The following CD81 variants were observed in gnomAD, a reference collection of about 807,000 sequenced individuals.
CD81 encodes the protein CD81 antigen.
CD81 carries 10 observed loss-of-function variants against 30.1 expected under a neutral mutation model. The ratio of observed to expected loss-of-function variants is 0.33; its 90% CI spans 0.21 to 0.56. The LOEUF is 0.56. Ranked by LOEUF, CD81 falls within the 20% of genes least tolerant of loss-of-function variation. The pLI, the probability that CD81 is intolerant of heterozygous loss-of-function variation, is 0.89. For synonymous variants in CD81, 147 were observed against 126.4 expected, an observed-to-expected ratio of 1.16 and a Z score of -1.10; for missense variants, 263 against 308.7, an observed-to-expected ratio of 0.85 and a Z score of 1.11.
intron 1 of CD81, chr11:2,386,175 T>C: frequency 1.4e-6 from 1 of 717,408 alleles, no homozygotes; most frequent in Non-Finnish European, 2.6e-6. Context: ...TCTCTTCATG[T>C]GCTTTTTTGC....
intron 6 of CD81, 51 bp from the exon 7 acceptor site, chr11:2,396,577 C>T: frequency 6.9e-7 from 1 of 1,456,908 alleles, no homozygotes. Context: ...CAACGGGAAG[C>T]CGGGAGCCGA....
At chr11:2,391,819 G>A (rs889193326) in intron 2 of CD81, 2 of 152,244 alleles carry the variant, frequency 1.3e-5, no homozygotes, top group South Asian at 2.1e-4. Context: ...AGAAGCACTC[G>A]GCTTAGCTTT....
chr11:2,377,495 G>C lies in CD81; in HGVS notation c.-55G>C, dbSNP rs1204303343. 10 of 840,364 alleles carry C rather than the reference G, an allele frequency of 1.2e-5. No individual in the cohort carries two copies. In the African/African-American group the frequency reaches 1.9e-4, roughly 16 times the overall value. 52.1% of individuals were successfully genotyped at this position (840,364 alleles called of 1,614,324 possible). On this transcript the variant is annotated 5_prime_UTR_variant, in exon 1 of 8. Coordinates refer to ENST00000263645, the MANE Select transcript of CD81 (RefSeq NM_004356.4). The surrounding 1 kb of genome is among the most constrained non-coding windows in gnomAD (Gnocchi z 7.7). Reference sequence around the variant, plus strand: ...CACCCGCCAGGCCCCGCGCCGGCCCGCCCGCCGCCCAGGACCGGCCCGCGC... The same window carrying C: ...CACCCGCCAGGCCCCGCGCCGGCCCCCCCGCCGCCCAGGACCGGCCCGCGC...
chr11:2,397,063 C>T lies in CD81; in HGVS notation c.*197C>T, dbSNP rs986556099. ...CAGGGCTGACGTCACATGTAGGTGG[C>T]GTGTATGAGTGGAGACGGGCCTGGG... On this transcript the variant is annotated 3_prime_UTR_variant, in exon 8 of 8. Coordinates refer to ENST00000263645, the MANE Select transcript of CD81 (RefSeq NM_004356.4). The T allele has an allele frequency of 2.1e-5, 13 of 633,368 alleles. No individual in the cohort carries two copies. Among genetic ancestry groups the T allele is most frequent in the Non-Finnish European group, 2.8e-5 (10 of 353,086 alleles). The allele number at this position is 633,368 out of a possible 1,614,324, so 39.2% of individuals were successfully genotyped here. A position where few individuals can be genotyped will look rare whatever the true frequency, so the allele number is the denominator to read the frequency against.
chr11:2,383,124 A>G (rs957489468), intron 1 of CD81, among the ~76,000 whole-genome samples: 1 of 152,166 alleles, frequency 6.6e-6, no homozygotes, highest in African/African-American at 2.4e-5. Flanking sequence ...CCTGACACCT[A>G]TTTTTAGATG....
chr11:2,386,034 A>G (rs1190067928), intron 1 of CD81: 1 of 717,074 alleles, frequency 1.4e-6, no homozygotes, highest in East Asian at 2.7e-5. Flanking sequence ...CCCCCGTTGT[A>G]TGCGTCCCAG....
rs573434748 is a variant in CD81 at position 2,383,860 on chromosome 11, G to A, written c.66+6245G>A. ...GGTGGGGGTAAGGTATGGGTGGGGC[G>A]ACCAGATCCCTGCCCTTTCCTGCAG... On this transcript the variant is annotated intron_variant, in intron 1 of 7. Transcript: ENST00000263645. Among the ~76,000 whole-genome samples the A allele has an allele frequency of 1.5e-4, 23 of 152,302 alleles. No homozygotes were observed. In the East Asian group the frequency reaches 4.1e-3, roughly 27 times the overall value.
Position 2,395,028 on chromosome 11 carries a change from C to T in CD81, c.336C>T (p.Gly112=). Residue 112 remains glycine, a synonymous_variant, in exon 4 of 8, where the codon GGC becomes GGT. Transcript: ENST00000263645. ...GTGAGGTGGCCGCCGGCATCTGGGG[C>T]TTTGTCAACAAGGACCAGGTGAGCC... ...FACEVAAGIW[G]FVNKDQIAKD... is the part of the protein sequence containing the mutation. The T allele has an allele frequency of 6.2e-7, 1 of 1,611,852 alleles. No individual in the cohort carries two copies.
chr11:2,380,652 G>C (rs1160831519), intron 1 of CD81, among the ~76,000 whole-genome samples: 1 of 152,162 alleles, frequency 6.6e-6, no homozygotes, highest in Non-Finnish European at 1.5e-5. Flanking sequence ...GTGGGTCTCG[G>C]AGCCTCCATC....
intron 5 of CD81, 132 bp downstream of exon 5, chr11:2,395,652 G>A: frequency 2.5e-6 from 2 of 789,212 alleles, no homozygotes; most frequent in Non-Finnish European, 4.3e-6. Flanking sequence ...CAGGACCCCT[G>A]GTCTCAACTG....
In CD81 at chr11:2,377,528, G is replaced by T; in HGVS notation, c.-22G>T. The T allele has an allele frequency of 7.5e-7, 1 of 1,326,954 alleles. No individual in the cohort carries two copies. The allele number at this position is 1,326,954 out of a possible 1,614,324, so 82.2% of individuals were successfully genotyped here. ...CCCAGGACCGGCCCGCGCCCCGCAG[G>T]CCGCCCGCCGCCCGCGCCGCCATGG... is the stretch of plus-strand genomic sequence containing the variant. On this transcript the variant is annotated 5_prime_UTR_variant, in exon 1 of 8. Coordinates refer to ENST00000263645, the MANE Select transcript of CD81 (RefSeq NM_004356.4). The surrounding 1 kb of genome is among the most constrained non-coding windows in gnomAD (Gnocchi z 7.7).
In CD81 at chr11:2,390,435, T is replaced by G. The variant is rs779338797; in HGVS notation, c.90T>G (p.Gly30=). The G allele has an allele frequency of 6.2e-7, 1 of 1,612,806 alleles. No individual in the cohort carries two copies. Residue 30 remains glycine, a synonymous_variant, in exon 2 of 8, where the codon GGT becomes GGG. Transcript: ENST00000263645. ...AGCTGGCTGGAGGCGTGATCCTGGG[T>G]GTGGCCCTGTGGCTCCGCCATGACC... ...VFWLAGGVIL[G]VALWLRHDPQ...
chr11:2,390,651 C>A, intron 2 of CD81, 125 bp downstream of exon 2: 1 of 749,936 alleles, frequency 1.3e-6, no homozygotes, highest in East Asian at 2.7e-5. Context: ...GGCAGGGAGG[C>A]GGCCCTGGAA....
intron 3 of CD81, among the ~76,000 whole-genome samples, 170 bp downstream of exon 3, chr11:2,394,362 T>C (rs1484390689): frequency 1.3e-5 from 2 of 152,204 alleles, no homozygotes; most frequent in African/African-American, 4.8e-5. Context: ...CCACCGTGCT[T>C]GGTCTCCATC....
At chr11:2,390,250 G>A (rs1483954059) in intron 1 of CD81, 162 bp from the exon 2 acceptor site, 28 of 705,218 alleles carry the variant, frequency 4.0e-5, no homozygotes, top group East Asian at 8.0e-5. Context: ...CCTGACTCCC[G>A]GGGCTCTTCA....
At chr11:2,390,550 C>T (rs776615614) in intron 2 of CD81, 24 bp downstream of exon 2, 27 of 1,534,260 alleles carry the variant, frequency 1.8e-5, no homozygotes, top group South Asian at 8.9e-5. Context: ...TGGCCGCAGA[C>T]GCATTCAGGG....
At chr11:2,390,586 T>C (rs370058578) in intron 2 of CD81, 60 bp downstream of exon 2, 42 of 1,225,498 alleles carry the variant, frequency 3.4e-5, no homozygotes, top group East Asian at 2.6e-4. Flanking sequence ...AGGCAGGTCC[T>C]AGCCTTTTGG....
In CD81 at chr11:2,390,545, G is replaced by A. The variant is rs777681037; in HGVS notation, c.181+19G>A. 13 of 1,551,574 alleles carry A rather than the reference G, an allele frequency of 8.4e-6. No homozygotes were observed. In the East Asian group the frequency reaches 9.0e-5, roughly 11 times the overall value. ...TATGTAGGTGAGTGCACATGTGGCC[G>A]CAGACGCATTCAGGGAGGGCTTCTA... On this transcript the variant is annotated intron_variant, in intron 2 of 7. Transcript: ENST00000263645.
intron 3 of CD81, 102 bp downstream of exon 3, chr11:2,394,294 A>G (rs566809435): frequency 6.7e-6 from 5 of 745,540 alleles, no homozygotes; most frequent in Non-Finnish European, 4.5e-6. Flanking sequence ...GGAGCCTAGA[A>G]TTCTGGGGGA....
Sources: allele counts gnomAD v4.1 joint callset (sites outside exome capture counted in the v4.1 genomes callset), GRCh38; gene constraint gnomAD v4.1.1; non-coding constraint Gnocchi (gnomAD v3.1); transcripts MANE v1.5; gene names NCBI Gene and HGNC (gene_info 2026-07-23, HGNC 2026-07-21).